COLQ: variants seen among roughly 807,000 people sequenced by gnomAD.
The protein encoded by COLQ is collagen like tail subunit of asymmetric acetylcholinesterase.
In COLQ, 48 loss-of-function variants were observed where a neutral mutation model predicts 69.0. The ratio of observed to expected loss-of-function variants is 0.70; its 90% CI spans 0.55 to 0.88. The LOEUF is 0.88. COLQ is among the 40% of genes least tolerant of loss of function. The probability of loss-of-function intolerance (pLI) is 0.00; values close to 1 mark genes in which losing one functional copy is unlikely to be tolerated. For missense variants in COLQ, 618 were observed against 594.6 expected (o/e 1.04, Z -0.41); for synonymous variants, 217 against 211.2 (o/e 1.03, Z -0.24).
intron 1 of COLQ, among the ~76,000 whole-genome samples, chr3:15,517,143 G>T (rs115368258): frequency 1.6e-4 from 24 of 152,060 alleles, no homozygotes; most frequent in African/African-American, 5.1e-4. Flanking sequence ...ACCCTGTCTC[G>T]AAAAAACAAA....
intron 10 of COLQ, among the ~76,000 whole-genome samples, chr3:15,472,906 C>A (rs184149356): frequency 6.6e-6 from 1 of 151,710 alleles, no homozygotes; most frequent in Non-Finnish European, 1.5e-5. Context: ...TGTGCCCAGG[C>A]TGGAGAGCAG....
chr3:15,467,678 T>C (rs1263198060), intron 11 of COLQ: 2 of 354,544 alleles, frequency 5.6e-6, no homozygotes, highest in Admixed American at 7.8e-5. Context: ...TGTCTGCTCT[T>C]GCCTCAGGCC....
intron 8 of COLQ, 93 bp from the exon 9 acceptor site, chr3:15,474,365 C>T: frequency 1.5e-6 from 2 of 1,314,394 alleles, no homozygotes; most frequent in African/African-American, 1.5e-5. Context: ...AACCAAAACC[C>T]TCATTTTACA....
chr3:15,489,435 TCAGGTGGAGTGGGGCAGG>T, intron 2 of COLQ, 72 bp downstream of exon 2: 1 of 1,195,120 alleles, frequency 8.4e-7, no homozygotes, highest in Non-Finnish European at 1.2e-6. Context: ...CGGAGGCAGC[TCAGGTGGAGTGGGGCAGG>T]CAGGTGGGGC....
At position 15,470,519 on chromosome 3, in the gene COLQ, A is replaced by C; in HGVS notation, c.717+17T>G. On this transcript the variant is annotated intron_variant, in intron 11 of 16. Coordinates refer to ENST00000383788, the MANE Select transcript of COLQ (RefSeq NM_005677.4). ...AAGTTCTGACCTCAGGCGGGTGGTAAGCCCTGGGATCCTTACCTGCTTGCC... is the reference window on the plus strand; with the variant it reads ...AAGTTCTGACCTCAGGCGGGTGGTACGCCCTGGGATCCTTACCTGCTTGCC... 5 of 1,612,612 alleles carry C rather than the reference A, an allele frequency of 3.1e-6. No individual in the cohort carries two copies. The highest frequency in any genetic ancestry group is 4.2e-6 in the Non-Finnish European group (5 of 1,179,572).
At chr3:15,456,671 G>C in intron 13 of COLQ, 92 bp from the exon 14 acceptor site, 2 of 1,563,350 alleles carry the variant, frequency 1.3e-6, no homozygotes, top group Non-Finnish European at 1.7e-6. Context: ...TCTATCCTTG[G>C]GCTGCTCAAC....
chr3:15,498,930 A>ATCAG lies in COLQ; in HGVS notation c.107-9294_107-9293insCTGA, dbSNP rs56412513. 0.35 allele frequency: 434,048 copies of ATCAG among 1,228,724 alleles called. 80,559 individuals are homozygous for ATCAG. The highest frequency in any genetic ancestry group is 0.62 in the East Asian group (13,681 of 22,190). The allele number at this position is 1,228,724 out of a possible 1,614,324, so 76.1% of individuals were successfully genotyped here. ...GCAAGCCAAGAGGAAATTGAGAGCA[A>ATCAG]TCAAACAGGCTGCTTTTCATTTGGC... On this transcript the variant is annotated intron_variant, in intron 1 of 16. Transcript: ENST00000383788.
intron 1 of COLQ, chr3:15,498,474 C>CACACAT (rs1476801911): frequency 5.2e-6 from 8 of 1,539,308 alleles, no homozygotes; most frequent in Non-Finnish European, 7.0e-6. Flanking sequence ...TGCATCCACA[C>CACACAT]ACACACACAC....
intron 1 of COLQ, among the ~76,000 whole-genome samples, chr3:15,515,395 T>C (rs1373771032): frequency 6.6e-6 from 1 of 152,132 alleles, no homozygotes; most frequent in Non-Finnish European, 1.5e-5. Context: ...CAGTAGGGGC[T>C]ACTGTGAAGG....
At chr3:15,471,292 A>T (rs924813) in intron 10 of COLQ, among the ~76,000 whole-genome samples, 64,225 of 152,148 alleles carry the variant, frequency 0.42, 13,901 homozygotes, top group East Asian at 0.59. Flanking sequence ...AACAATGGAA[A>T]CAATATTCCT....
intron 1 of COLQ, among the ~76,000 whole-genome samples, chr3:15,514,219 A>G (rs923573507): frequency 3.3e-5 from 5 of 152,178 alleles, no homozygotes; most frequent in African/African-American, 1.2e-4. Context: ...TAAGCCACTA[A>G]GTTTATGATG....
At chr3:15,481,755 T>G (rs2062487860) in intron 3 of COLQ, among the ~76,000 whole-genome samples, 1 of 152,220 alleles carries the variant, frequency 6.6e-6, no homozygotes, top group African/African-American at 2.4e-5. Context: ...GTGAAGAAAG[T>G]CATTGGTAGC....
At position 15,492,334 on chromosome 3, in the gene COLQ, T is replaced by A. The variant is rs1052931106; in HGVS notation, c.107-2697A>T. ...CACAACCATTACTCCATAATTGTAG[T>A]CTTAGAAAACTCAATTTATATTATA... On this transcript the variant is annotated intron_variant, in intron 1 of 16. Coordinates refer to ENST00000383788, the MANE Select transcript of COLQ (RefSeq NM_005677.4). Among the ~76,000 whole-genome samples the A allele has an allele frequency of 5.9e-5, 9 of 152,136 alleles. No individual in the cohort carries two copies. The East Asian group carries it at 1.7e-3, about 29-fold the overall frequency.
chr3:15,490,856 AG>A lies in COLQ; in HGVS notation c.107-1220del, dbSNP rs577951450. Among the ~76,000 whole-genome samples the A allele has an allele frequency of 2.9e-3, 436 of 152,388 alleles. 1 individual carries two copies. The highest frequency in any genetic ancestry group is 4.6e-3 in the Non-Finnish European group (311 of 68,042). Reference sequence around the variant, plus strand: ...AAAGCTGAACATAGACATATACTCTAGCCCAGCAATTTCACTCCTAGGTTTT... The same window carrying A: ...AAAGCTGAACATAGACATATACTCTACCCAGCAATTTCACTCCTAGGTTTT... On this transcript the variant is annotated intron_variant, in intron 1 of 16. Transcript: ENST00000383788.
intron 5 of COLQ, among the ~76,000 whole-genome samples, chr3:15,478,357 T>C (rs2062417918): frequency 1.3e-5 from 2 of 152,230 alleles, no homozygotes; most frequent in African/African-American, 4.8e-5. Context: ...TTTAGAGCCA[T>C]GGACATCTTT....
rs1335622148 is a variant in COLQ, at chr3:15,498,417, C to T, written c.107-8780G>A. On this transcript the variant is annotated intron_variant, in intron 1 of 16. Coordinates refer to ENST00000383788, the MANE Select transcript of COLQ (RefSeq NM_005677.4). ...AAAATTTAAAGGCTGCTAAAACCTC[C>T]TAGTACAGTCTGCTTTCCAAGAGTC... 3.0e-6 allele frequency: 4 copies of T among 1,335,230 alleles called. No homozygotes were observed. The African/African-American group carries it at 4.4e-5, about 15-fold the overall frequency. The allele number at this position is 1,335,230 out of a possible 1,614,324, so 82.7% of individuals were successfully genotyped here.
chr3:15,453,196 T>A (rs2061973536), intron 16 of COLQ, among the ~76,000 whole-genome samples: 2 of 152,224 alleles, frequency 1.3e-5, no homozygotes, highest in South Asian at 4.1e-4. Context: ...TGGCCCTCAG[T>A]TGGCTTGGCA....
intron 3 of COLQ, among the ~76,000 whole-genome samples, chr3:15,486,450 T>C (rs1052611653): frequency 2.0e-5 from 3 of 152,202 alleles, no homozygotes; most frequent in African/African-American, 2.4e-5. Flanking sequence ...CACAGGACCC[T>C]GCATTTGGGC....
rs6782980 is a variant in COLQ, at chr3:15,458,206, T to G, written c.934A>C (p.Ser312Arg). The G allele has an allele frequency of 7.4e-6, 12 of 1,613,900 alleles. No homozygotes were observed. In the South Asian group the frequency reaches 1.2e-4, roughly 16 times the overall value. Residue 312 changes from serine to arginine, a missense_variant, in exon 13 of 17, where the codon AGT becomes CGT. Ser to Arg is a moderately radical substitution (Grantham distance 110). Transcript: ENST00000383788. Reference protein sequence around the residue: ...PSYGESVYGPSSPRVPVIFVV... With the variant: ...PSYGESVYGPRSPRVPVIFVV... ...CTTACCACAGGAACTCGCGGGGAAC[T>G]GGGCCCATACACAGATTCCCCGTAG...
Sources: allele counts gnomAD v4.1 joint callset (sites outside exome capture counted in the v4.1 genomes callset), GRCh38; gene constraint gnomAD v4.1.1; transcripts MANE v1.5; gene names NCBI Gene and HGNC (gene_info 2026-07-23, HGNC 2026-07-21).